The following ALG1 variants were observed in gnomAD, a reference collection of about 807,000 sequenced individuals.
ALG1 encodes the protein chitobiosyldiphosphodolichol beta-mannosyltransferase.
Under a neutral mutation model 55.1 loss-of-function variants are expected in ALG1, and 58 were observed. That is an observed-to-expected ratio of 1.05 (90% CI 0.85 to 1.31). ALG1 has a LOEUF of 1.31. ALG1 is among the 50% of genes most tolerant of loss of function. ALG1 has a pLI of 0.00. For missense variants in ALG1, 761 were observed against 598.6 expected (o/e 1.27, Z -2.83); for synonymous variants, 309 against 247.0 (o/e 1.25, Z -2.35).
At chr16:5,078,640 T>C in intron 6 of ALG1, 117 bp from the exon 7 acceptor site, 1 of 1,583,804 alleles carries the variant, frequency 6.3e-7, no homozygotes, top group Non-Finnish European at 8.7e-7. Context: ...GTGCTGCTGA[T>C]GTGGCTGGGC....
chr16:5,074,140 CTTTTA>C (rs1382106882), intron 3 of ALG1, among the ~76,000 whole-genome samples: 1 of 151,568 alleles, frequency 6.6e-6, no homozygotes, highest in African/African-American at 2.4e-5. Context: ...GCACCTTCCT[CTTTTA>C]TTTATTTATT....
chr16:5,075,967 C>T (rs1206721571), intron 4 of ALG1, among the ~76,000 whole-genome samples: 2 of 152,200 alleles, frequency 1.3e-5, no homozygotes, highest in African/African-American at 4.8e-5. Context: ...AGCAGAAGAG[C>T]TGGGTCTCAG....
In ALG1 at chr16:5,085,549, A is replaced by G; in HGVS notation, c.*668A>G. On this transcript the variant is annotated 3_prime_UTR_variant, in exon 13 of 13. Coordinates refer to ENST00000262374, the MANE Select transcript of ALG1 (RefSeq NM_019109.5). ...TCTCCAAACATTCCAGTCCAATGAA[A>G]GTTTTATCCGCTTTCCCATATAAAA... 1 of 1,042,386 alleles carries G rather than the reference A, an allele frequency of 9.6e-7. No individual in the cohort carries two copies. The highest frequency in any genetic ancestry group is 1.5e-6 in the Non-Finnish European group (1 of 661,196). 64.6% of individuals were successfully genotyped at this position (1,042,386 alleles called of 1,614,324 possible).
intron 6 of ALG1, 31 bp from the exon 7 acceptor site, chr16:5,078,726 C>A: frequency 6.2e-7 from 1 of 1,612,360 alleles, no homozygotes; most frequent in African/African-American, 1.3e-5. Flanking sequence ...TGCTCTATGG[C>A]CTCTCACAGG....
intron 1 of ALG1, 52 bp from the exon 2 acceptor site, chr16:5,072,899 G>T: frequency 6.6e-7 from 1 of 1,526,314 alleles, no homozygotes; most frequent in South Asian, 1.1e-5. Context: ...GAGATTATCT[G>T]ACTTTAGATT....
intron 10 of ALG1, among the ~76,000 whole-genome samples, chr16:5,081,523 T>A (rs1957017661): frequency 6.6e-6 from 1 of 152,210 alleles, no homozygotes; most frequent in Non-Finnish European, 1.5e-5. Flanking sequence ...CAGCTTCGAG[T>A]GAGCAGAGCA....
rs1596252105 is a variant in ALG1 at position 5,073,159 on chromosome 16, C to T, written c.293C>T (p.Pro98Leu). Residue 98 changes from proline to leucine, a missense_variant, in exon 3 of 13, where the codon CCC becomes CTC. By Grantham distance (98) the Pro-to-Leu change is moderately conservative. Coordinates refer to ENST00000262374, the MANE Select transcript of ALG1 (RefSeq NM_019109.5). ...GGTGTTTTCTGACTTGCAGTTGGGC[C>T]CCGAGTTTTCCAGTACGGAGTCAAA... ...LTELQSLAVG[P>L]RVFQYGVKVV... 4 of 1,614,112 alleles carry T rather than the reference C, an allele frequency of 2.5e-6. No homozygotes were observed. The highest frequency in any genetic ancestry group is 3.4e-6 in the Non-Finnish European group (4 of 1,180,036).
rs1353988508 is a variant in ALG1 at position 5,071,932 on chromosome 16, G to C, written c.83G>C (p.Arg28Pro). 3 of 1,589,186 alleles carry C rather than the reference G, an allele frequency of 1.9e-6. No individual in the cohort carries two copies. Among genetic ancestry groups the C allele is most frequent in the Non-Finnish European group, 8.6e-7 (1 of 1,168,300 alleles). The change falls in exon 1 of 13, where the codon CGG becomes CCG. Residue 28 changes from arginine to proline, a missense_variant. Transcript: ENST00000262374. ...LLLGGWKRWR[R>P]GRAARHVVAV... The stretch of plus-strand genomic sequence containing the variant: ...CTGGGAGGATGGAAGCGCTGGCGCC[G>C]GGGGCGGGCGGCCCGGCATGTAGTA...
Position 5,073,267 on chromosome 16 carries a change from G to A in ALG1, c.390+11G>A. The A allele has an allele frequency of 6.2e-7, 1 of 1,611,080 alleles. No homozygotes were observed. The highest frequency in any genetic ancestry group is 1.3e-5 in the African/African-American group (1 of 74,964). ...TATATCTTTCTCCAGGTGTGTATCA[G>A]CCTCTGCCTCCCTCTGTGAGAGCCA... On this transcript the variant is annotated intron_variant, in intron 3 of 12. Coordinates refer to ENST00000262374, the MANE Select transcript of ALG1 (RefSeq NM_019109.5).
chr16:5,077,776 C>A, intron 5 of ALG1, 131 bp from the exon 6 acceptor site: 1 of 1,128,080 alleles, frequency 8.9e-7, no homozygotes, highest in Non-Finnish European at 1.3e-6. Flanking sequence ...CAAGTAATTG[C>A]AAGGCTTCTT....
intron 11 of ALG1, among the ~76,000 whole-genome samples, chr16:5,083,134 A>G (rs757544406): frequency 6.6e-6 from 1 of 152,106 alleles, no homozygotes; most frequent in African/African-American, 2.4e-5. Flanking sequence ...CTGTGGCCTC[A>G]CTGCACCCAG....
Position 5,077,980 on chromosome 16 carries a change from A to G in ALG1, c.703A>G (p.Met235Val). Residue 235 changes from methionine (M) to valine (V), a missense_variant, in exon 6 of 13, where the codon ATG becomes GTG. Met to Val is a conservative substitution (Grantham distance 21). Transcript: ENST00000262374. The part of the protein sequence containing the change: ...TPLDLQHRLF[M>V]KLGSMHSPFR... The stretch of plus-strand genomic sequence containing the variant: ...TCTGGACCTGCAGCACCGGCTCTTC[A>G]TGAAGCTGGGCAGCATGCACTCTCC... The G allele has an allele frequency of 6.2e-7, 1 of 1,602,652 alleles. No homozygotes were observed. The highest frequency in any genetic ancestry group is 8.5e-7 in the Non-Finnish European group (1 of 1,179,786).
chr16:5,075,621 A>G lies in ALG1; in HGVS notation c.539+85A>G, dbSNP rs1017224818. 2.6e-6 allele frequency: 4 copies of G among 1,558,748 alleles called. No individual in the cohort carries two copies. In the Admixed American group the frequency reaches 6.8e-5, roughly 27 times the overall value. The stretch of plus-strand genomic sequence containing the variant: ...AGAAGGGCCATAGTGGGCCTCCGGA[A>G]GTCGGTTCCTTGTGGGCTCTGCAGG... On this transcript the variant is annotated intron_variant, in intron 4 of 12. Transcript: ENST00000262374.
At chr16:5,078,250 A>T in intron 6 of ALG1, 1 of 697,642 alleles carries the variant, frequency 1.4e-6, no homozygotes, top group South Asian at 1.5e-5. Context: ...TGCAACAGAG[A>T]ACCTGTGGCC....
At chr16:5,075,868 C>T (rs895206506) in intron 4 of ALG1, among the ~76,000 whole-genome samples, 80 of 152,306 alleles carry the variant, frequency 5.3e-4, no homozygotes, top group African/African-American at 1.8e-3. Context: ...CACGTAGGCT[C>T]ATTGGGGAGG....
rs1355720409 is a variant in ALG1, at chr16:5,086,599, G to A, written c.*1718G>A. ...TGGGATGACAGGTGCGTGCCACCAT[G>A]CCAGTAATTTTTTTATTTTGTAGAG... On this transcript the variant is annotated 3_prime_UTR_variant, in exon 13 of 13. Transcript: ENST00000262374. 1 of 151,790 alleles carries A rather than the reference G, an allele frequency of 6.6e-6. No individual in the cohort carries two copies. Among genetic ancestry groups the A allele is most frequent in the Non-Finnish European group, 1.5e-5 (1 of 67,992 alleles). 9.4% of individuals were successfully genotyped at this position (151,790 alleles called of 1,614,324 possible).
chr16:5,083,763 C>G lies in ALG1; in HGVS notation c.1263+6C>G, dbSNP rs751637721. ...AACTGGCAGCTCAGCTGCAGGTAGC[C>G]ACGTCTGCCACCACGCCAGGGTGGG... On this transcript the variant is annotated splice_donor_region_variant and intron_variant, in intron 12 of 12. Transcript: ENST00000262374. 4 of 1,597,622 alleles carry G rather than the reference C, an allele frequency of 2.5e-6. No homozygotes were observed. Among genetic ancestry groups the G allele is most frequent in the Admixed American group, 1.7e-5 (1 of 60,012 alleles).
chr16:5,076,641 G>C (rs943445787), intron 4 of ALG1, among the ~76,000 whole-genome samples: 1 of 152,156 alleles, frequency 6.6e-6, no homozygotes, highest in South Asian at 2.1e-4. Context: ...TCTACCCTGC[G>C]ATCAGGGCTC....
Position 5,087,179 on chromosome 16 carries a change from A to G in ALG1, c.*2298A>G, listed in dbSNP as rs960913766. ...GAAGAAGAATCGCCTTGGGCCACGC[A>G]TAAAATACACTAACACTAGCAATAC... is the stretch of plus-strand genomic sequence containing the variant. On this transcript the variant is annotated 3_prime_UTR_variant, in exon 13 of 13. Coordinates refer to ENST00000262374, the MANE Select transcript of ALG1 (RefSeq NM_019109.5). 2 of 152,240 alleles carry G rather than the reference A, an allele frequency of 1.3e-5. No homozygotes were observed. The highest frequency in any genetic ancestry group is 2.9e-5 in the Non-Finnish European group (2 of 68,070). The allele number at this position is 152,240 out of a possible 1,614,324, so 9.4% of individuals were successfully genotyped here. A position where few individuals can be genotyped will look rare whatever the true frequency, so the allele number is the denominator to read the frequency against.
Sources: allele counts gnomAD v4.1 joint callset (sites outside exome capture counted in the v4.1 genomes callset), GRCh38; gene constraint gnomAD v4.1.1; transcripts MANE v1.5; gene names NCBI Gene and HGNC (gene_info 2026-07-23, HGNC 2026-07-21).